The following PTPRD variants were observed in gnomAD, a reference collection of about 807,000 sequenced individuals.
The protein encoded by PTPRD is protein tyrosine phosphatase receptor type D, also known as receptor-type tyrosine-protein phosphatase delta.
PTPRD carries 34 observed loss-of-function variants against 214.5 expected under a neutral mutation model. The ratio of observed to expected loss-of-function variants is 0.16; its 90% CI spans 0.12 to 0.21. PTPRD has a LOEUF of 0.21. Among genes scored for constraint, PTPRD ranks in the 10% least tolerant of loss-of-function variants. PTPRD has a pLI of 1.00. For missense variants in PTPRD, 2,545 were observed against 2,398.7 expected (o/e 1.06, Z -1.27); for synonymous variants, 1,128 against 845.7 (o/e 1.33, Z -5.79).
chr9:9,444,019 C>T (rs1588588048), intron 8 of PTPRD, among the ~76,000 whole-genome samples: 1 of 152,150 alleles, frequency 6.6e-6, no homozygotes, highest in Non-Finnish European at 1.5e-5. Context: ...ACTTTATCTT[C>T]ATTACAGCTC....
chr9:8,791,923 T>G (rs943678229), intron 11 of PTPRD, among the ~76,000 whole-genome samples: 3 of 152,130 alleles, frequency 2.0e-5, no homozygotes, highest in Non-Finnish European at 2.9e-5. Flanking sequence ...CAGCCAGACC[T>G]TTATCCTTCC....
intron 12 of PTPRD, among the ~76,000 whole-genome samples, chr9:8,691,018 A>C (rs920813744): frequency 3.3e-5 from 5 of 152,186 alleles, no homozygotes; most frequent in African/African-American, 1.2e-4. Flanking sequence ...AGAACATGTG[A>C]AAGAAAAAAT....
At chr9:9,361,353 TATC>T (rs1000489235) in intron 9 of PTPRD, among the ~76,000 whole-genome samples, 3 of 151,278 alleles carry the variant, frequency 2.0e-5, no homozygotes, top group East Asian at 1.9e-4. Context: ...AATAATTCCT[TATC>T]ATAATATTTA....
intron 3 of PTPRD, among the ~76,000 whole-genome samples, chr9:10,102,940 T>TAC (rs1455238432): frequency 6.6e-6 from 1 of 151,782 alleles, no homozygotes; most frequent in African/African-American, 2.4e-5. Context: ...TTACATTCAT[T>TAC]TCTTCATTCA....
chr9:8,320,644 T>A (rs145862675), intron 44 of PTPRD, among the ~76,000 whole-genome samples: 1 of 132,612 alleles, frequency 7.5e-6, no homozygotes, highest in Non-Finnish European at 1.7e-5. Context: ...CTCACAGGGG[T>A]CTCTAATCTT....
At chr9:10,485,087 A>T (rs1171566268) in intron 2 of PTPRD, among the ~76,000 whole-genome samples, 2 of 151,940 alleles carry the variant, frequency 1.3e-5, no homozygotes, top group Non-Finnish European at 2.9e-5. Context: ...GCATATAGAT[A>T]TCCAGTTTTT....
chr9:10,199,754 C>T (rs1054964045), intron 3 of PTPRD, among the ~76,000 whole-genome samples: 4 of 152,028 alleles, frequency 2.6e-5, no homozygotes, highest in African/African-American at 7.2e-5. Flanking sequence ...TTCCAAAGCC[C>T]GGATCCACCA....
At chr9:10,507,131 C>G (rs1401412341) in intron 2 of PTPRD, among the ~76,000 whole-genome samples, 4 of 152,070 alleles carry the variant, frequency 2.6e-5, no homozygotes, top group Admixed American at 6.6e-5. Context: ...GCAAAAATCA[C>G]AAGCATTCTT....
intron 11 of PTPRD, among the ~76,000 whole-genome samples, chr9:8,977,310 C>T (rs568168460): frequency 1.2e-4 from 19 of 152,168 alleles, no homozygotes; most frequent in Non-Finnish European, 2.5e-4. Flanking sequence ...TCCTATCATC[C>T]CTAATCAAAA....
chr9:9,983,670 T>A (rs770927154), intron 4 of PTPRD, among the ~76,000 whole-genome samples: 1 of 152,228 alleles, frequency 6.6e-6, no homozygotes, highest in African/African-American at 2.4e-5. Context: ...TCTACTTCAA[T>A]TCTGTTTAAG....
chr9:9,987,213 T>A (rs1021062560), intron 4 of PTPRD, among the ~76,000 whole-genome samples: 15 of 152,106 alleles, frequency 9.9e-5, no homozygotes, highest in Non-Finnish European at 1.9e-4. Flanking sequence ...GGGTAGTGAA[T>A]CTCCAACCCA....
intron 5 of PTPRD, among the ~76,000 whole-genome samples, chr9:9,848,749 T>G (rs2060004334): frequency 6.6e-6 from 1 of 152,060 alleles, no homozygotes; most frequent in East Asian, 1.9e-4. Flanking sequence ...AAAACAATTT[T>G]CAAAAGTGTG....
chr9:9,194,494 A>G (rs574428199), intron 9 of PTPRD, among the ~76,000 whole-genome samples: 1 of 152,254 alleles, frequency 6.6e-6, no homozygotes, highest in Non-Finnish European at 1.5e-5. Flanking sequence ...TTGTGCTACA[A>G]TGGCTGTGAT....
chr9:10,282,633 G>C (rs984502057), intron 3 of PTPRD, among the ~76,000 whole-genome samples: 2 of 152,092 alleles, frequency 1.3e-5, no homozygotes, highest in Non-Finnish European at 2.9e-5. Flanking sequence ...CTGTACATTA[G>C]AATCAACTGA....
intron 11 of PTPRD, among the ~76,000 whole-genome samples, chr9:8,777,663 A>C (rs527864998): frequency 3.8e-4 from 58 of 152,348 alleles, no homozygotes; most frequent in African/African-American, 1.3e-3. Flanking sequence ...TAAATGACAC[A>C]TCTGTAAACA....
At chr9:10,193,843 C>G (rs537325328) in intron 3 of PTPRD, among the ~76,000 whole-genome samples, 1 of 151,686 alleles carries the variant, frequency 6.6e-6, no homozygotes, top group Non-Finnish European at 1.5e-5. Flanking sequence ...TGGGCACTGA[C>G]GAAGAAAAAA....
chr9:8,812,031 T>C (rs966648078), intron 11 of PTPRD, among the ~76,000 whole-genome samples: 2 of 152,196 alleles, frequency 1.3e-5, no homozygotes, highest in Non-Finnish European at 1.5e-5. Context: ...GTTCTCCTTA[T>C]ACCAGCTGAG....
At chr9:8,932,243 G>A (rs934084378) in intron 11 of PTPRD, among the ~76,000 whole-genome samples, 1 of 152,072 alleles carries the variant, frequency 6.6e-6, no homozygotes, top group African/African-American at 2.4e-5. Context: ...TCTTTTAATT[G>A]TGATGTTAGG....
chr9:8,503,436 G>C (rs1487921407), intron 23 of PTPRD, among the ~76,000 whole-genome samples: 1 of 151,874 alleles, frequency 6.6e-6, no homozygotes, highest in Non-Finnish European at 1.5e-5. Flanking sequence ...TTCAATTCAA[G>C]GTAAATAGTA....
Sources: gnomAD v4.1 joint callset for allele counts (sites outside exome capture counted in the v4.1 genomes callset) on GRCh38, gnomAD v4.1.1 for gene constraint, MANE v1.5 for transcripts, NCBI Gene and HGNC (gene_info 2026-07-23, HGNC 2026-07-21) for gene names.